Variants in SLC4A4 observed in about 807,000 individuals in gnomAD.
SLC4A4 encodes solute carrier family 4 member 4.
A neutral mutation model predicts 111.5 loss-of-function variants in SLC4A4; 27 were observed. The ratio of observed to expected loss-of-function variants is 0.24; its 90% confidence interval spans 0.18 to 0.33. The LOEUF is 0.33. Among genes scored for constraint, SLC4A4 ranks in the 10% least tolerant of loss-of-function variants. The pLI is 1.00. For missense variants in SLC4A4, 909 were observed against 1,315.5 expected, an observed-to-expected ratio of 0.69 and a Z score of 4.78; for synonymous variants, 443 against 463.4, an observed-to-expected ratio of 0.96 and a Z score of 0.57.
chr4:71,116,058 C>G (rs1743236561), intron 2 of SLC4A4, among the ~76,000 whole-genome samples: 1 of 152,082 alleles, frequency 6.6e-6, no homozygotes, highest in South Asian at 2.1e-4. Context: ...CGACGCCTGG[C>G]TAATTTTTGT....
At chr4:71,265,069 T>A (rs1472154290) in intron 3 of SLC4A4, among the ~76,000 whole-genome samples, 1 of 152,216 alleles carries the variant, frequency 6.6e-6, no homozygotes, top group East Asian at 1.9e-4. Context: ...CTATGCTATA[T>A]TTTCCTTAAA....
intron 1 of SLC4A4, among the ~76,000 whole-genome samples, chr4:71,213,875 G>T (rs145812895): frequency 6.6e-6 from 1 of 152,302 alleles, no homozygotes; most frequent in African/African-American, 2.4e-5. Context: ...GAATCAGCTA[G>T]CACCTGGATC....
Position 71,432,523 on chromosome 4 carries a change from A to T in SLC4A4, c.808-8093A>T, listed in dbSNP as rs566975156. On this transcript the variant is annotated intron_variant, in intron 7 of 25. Transcript: ENST00000264485. The stretch of plus-strand genomic sequence containing the variant: ...ATATCTGTAAGATGTAAATTTTTTT[A>T]AAAATATTAGTATTTCTTGAAGGAT... 7.9e-5 allele frequency among the ~76,000 whole-genome samples: 12 copies of T among 152,206 alleles called. No individual in the cohort carries two copies. The South Asian group carries it at 1.5e-3, about 18-fold the overall frequency.
intron 1 of SLC4A4, among the ~76,000 whole-genome samples, chr4:71,086,465 T>G (rs965790450): frequency 8.6e-5 from 13 of 151,882 alleles, no homozygotes; most frequent in African/African-American, 1.2e-4. Context: ...GTGAGAGAGG[T>G]CATCCGTGTC....
chr4:71,294,055 A>G (rs1261458631), intron 3 of SLC4A4, among the ~76,000 whole-genome samples: 1 of 152,234 alleles, frequency 6.6e-6, no homozygotes, highest in Admixed American at 6.5e-5. Context: ...GGAGAACTTA[A>G]CCTGACAAAA....
intron 6 of SLC4A4, among the ~76,000 whole-genome samples, chr4:71,360,382 A>G (rs941072374): frequency 6.6e-6 from 1 of 152,144 alleles, no homozygotes; most frequent in Non-Finnish European, 1.5e-5. Context: ...TAAAGAAGTG[A>G]TGGAGAAAAT....
chr4:71,392,694 A>G (rs1199447282), intron 6 of SLC4A4, among the ~76,000 whole-genome samples: 1 of 152,160 alleles, frequency 6.6e-6, no homozygotes, highest in Non-Finnish European at 1.5e-5. Context: ...TACCCAAACC[A>G]GGAAAGGACA....
At chr4:71,306,031 T>C (rs1430960287) in intron 3 of SLC4A4, among the ~76,000 whole-genome samples, 3 of 152,222 alleles carry the variant, frequency 2.0e-5, no homozygotes, top group African/African-American at 7.2e-5. Flanking sequence ...GTGAATTGGA[T>C]ACTGATTTGC....
At chr4:71,469,559 C>T (rs1727681047) in intron 13 of SLC4A4, among the ~76,000 whole-genome samples, 1 of 151,826 alleles carries the variant, frequency 6.6e-6, no homozygotes, top group Non-Finnish European at 1.5e-5. Flanking sequence ...TTTAATTCAC[C>T]ATAATTTCTT....
intron 16 of SLC4A4, among the ~76,000 whole-genome samples, chr4:71,506,035 G>A (rs1237721788): frequency 6.6e-6 from 1 of 151,986 alleles, no homozygotes; most frequent in Non-Finnish European, 1.5e-5. Context: ...TTTCTATTTA[G>A]TTCCATTGGT....
At chr4:71,539,100 C>T (rs960590588) in intron 18 of SLC4A4, among the ~76,000 whole-genome samples, 3 of 151,936 alleles carry the variant, frequency 2.0e-5, no homozygotes, top group Non-Finnish European at 4.4e-5. Context: ...ATGGGAAAAC[C>T]CTTAATTTGA....
At position 71,571,134 on chromosome 4, in the gene SLC4A4, T is replaced by G. The variant is rs1737910368; in HGVS notation, c.*3383T>G. The G allele has an allele frequency of 6.6e-6, 1 of 152,274 alleles. No homozygotes were observed. Among genetic ancestry groups the G allele is most frequent in the Non-Finnish European group, 1.5e-5 (1 of 67,880 alleles). The allele number at this position is 152,274 out of a possible 1,614,324, so 9.4% of individuals were successfully genotyped here. Reference sequence around the variant, plus strand: ...ATGATTGTCTTCCGAGTTTTTTGGTTCCTTTTTTAACTGTGTTAAAGTACT... The same window carrying G: ...ATGATTGTCTTCCGAGTTTTTTGGTGCCTTTTTTAACTGTGTTAAAGTACT... On this transcript the variant is annotated 3_prime_UTR_variant, in exon 26 of 26. Coordinates refer to ENST00000264485, the MANE Select transcript of SLC4A4 (RefSeq NM_001098484.3).
At chr4:71,537,748 T>C (rs1453586260) in intron 18 of SLC4A4, among the ~76,000 whole-genome samples, 2 of 151,324 alleles carry the variant, frequency 1.3e-5, no homozygotes, top group African/African-American at 4.9e-5. Flanking sequence ...ATGTTTAGAG[T>C]GTACTCGTTT....
chr4:71,400,991 A>G (rs1322951890), intron 7 of SLC4A4, among the ~76,000 whole-genome samples: 1 of 152,116 alleles, frequency 6.6e-6, no homozygotes, highest in Non-Finnish European at 1.5e-5. Context: ...GTTGGCCCCA[A>G]AAACTTCCAT....
intron 3 of SLC4A4, among the ~76,000 whole-genome samples, chr4:71,287,345 C>T (rs561602152): frequency 4.7e-4 from 71 of 152,284 alleles, no homozygotes; most frequent in Non-Finnish European, 7.4e-4. Flanking sequence ...GGATTTCACA[C>T]GCTTCAGAAG....
intron 2 of SLC4A4, among the ~76,000 whole-genome samples, chr4:71,254,596 A>G (rs952503106): frequency 2.0e-5 from 3 of 151,500 alleles, no homozygotes; most frequent in Admixed American, 2.0e-4. Context: ...TTCTCCAAGT[A>G]TGTCTTATTT....
chr4:71,444,777 C>T (rs1725075230), intron 8 of SLC4A4, among the ~76,000 whole-genome samples: 1 of 152,130 alleles, frequency 6.6e-6, no homozygotes, highest in Non-Finnish European at 1.5e-5. Flanking sequence ...ATTTCTCATC[C>T]CATTTCAATA....
intron 16 of SLC4A4, among the ~76,000 whole-genome samples, chr4:71,505,438 T>A (rs942194652): frequency 1.3e-5 from 2 of 152,026 alleles, no homozygotes; most frequent in Non-Finnish European, 2.9e-5. Flanking sequence ...TGCATTTCTG[T>A]AATGATTAGT....
intron 12 of SLC4A4, among the ~76,000 whole-genome samples, chr4:71,458,569 CAG>C (rs1483222241): frequency 2.0e-5 from 3 of 152,002 alleles, no homozygotes; most frequent in Admixed American, 2.0e-4. Flanking sequence ...TGGAGCTTAA[CAG>C]AGCACATTTT....
Sources: allele counts gnomAD v4.1 joint callset (sites outside exome capture counted in the v4.1 genomes callset), GRCh38; gene constraint gnomAD v4.1.1; transcripts MANE v1.5; gene names NCBI Gene and HGNC (gene_info 2026-07-23, HGNC 2026-07-21).